The following AGT variants were observed in gnomAD, a reference collection of about 807,000 sequenced individuals.
AGT encodes the protein alpha-1 antiproteinase, antitrypsin.
Under a neutral mutation model 28.1 loss-of-function variants are expected in AGT, and 26 were observed. The ratio of observed to expected loss-of-function variants is 0.92; its 90% confidence interval spans 0.68 to 1.28. The LOEUF (loss-of-function observed/expected upper bound fraction) is 1.28. Ranked by LOEUF, AGT falls within the 50% of genes most tolerant of loss-of-function variation. The pLI is 0.00. For synonymous variants in AGT, 259 were observed against 259.6 expected (o/e 1.00, Z 0.02); for missense variants, 596 against 592.3 (o/e 1.01, Z -0.06).
Position 230,739,676 on chromosome 1 carries a change from C to T in AGT, c.-31+5839G>A, listed in dbSNP as rs77333117. Among the ~76,000 whole-genome samples the T allele has an allele frequency of 4.5e-3, 681 of 152,240 alleles. 2 individuals carry two copies. The highest frequency in any genetic ancestry group is 0.015 in the African/African-American group (643 of 41,534). On this transcript the variant is annotated intron_variant, in intron 1 of 4. Transcript: ENST00000681269. ...GCTGTGACCCCTCCACAGCAAATAC[C>T]GTAAGGAAAGAAGCTGGTTCCCAGA...
upstream of AGT, among the ~76,000 whole-genome samples, chr1:230,714,489 A>C (rs1444486461): frequency 1.3e-5 from 2 of 152,178 alleles, no homozygotes; most frequent in East Asian, 3.9e-4. Flanking sequence ...CCAAGAGGCC[A>C]CAGGGACATG....
Position 230,703,218 on chromosome 1 carries a change from G to C in AGT, c.1354C>G (p.Leu452Val), listed in dbSNP as rs772779435. The stretch of plus-strand genomic sequence containing the variant: ...GCGCTTTGATCATACACAGCAAACA[G>C]GAATGGGCGGTTCAGGGTCACCTCC... ...VLEVTLNRPF[L>V]FAVYDQSATA... is the part of the protein sequence containing the mutation. Residue 452 changes from leucine to valine, a missense_variant, in exon 5 of 5, where the codon CTG becomes GTG. Leu to Val is a conservative substitution (Grantham distance 32, BLOSUM62 1). Coordinates refer to ENST00000366667, the MANE Select transcript of AGT (RefSeq NM_001384479.1). The C allele has an allele frequency of 3.1e-6, 5 of 1,614,218 alleles. No homozygotes were observed. In the Admixed American group the frequency reaches 8.3e-5, roughly 27 times the overall value.
chr1:230,717,025 A>C (rs1663750626), upstream of AGT, among the ~76,000 whole-genome samples: 1 of 148,726 alleles, frequency 6.7e-6, no homozygotes, highest in Admixed American at 6.7e-5. Flanking sequence ...AGATGTTGTT[A>C]ATTTGTAGCT....
At position 230,710,535 on chromosome 1, in the gene AGT, C is replaced by G; in HGVS notation, c.289G>C (p.Val97Leu). The G allele has an allele frequency of 6.2e-7, 1 of 1,614,250 alleles. No individual in the cohort carries two copies. Among genetic ancestry groups the G allele is most frequent in the Non-Finnish European group, 8.5e-7 (1 of 1,180,048 alleles). ...DTEDKLRAAMVGMLANFLGFR... is the reference protein window; with the variant it reads ...DTEDKLRAAMLGMLANFLGFR... Reference sequence around the variant, plus strand: ...CCCAAGAAGTTGGCCAGCATCCCGACCATTGCGGCCCTCAACTTGTCTTCG... The same window carrying G: ...CCCAAGAAGTTGGCCAGCATCCCGAGCATTGCGGCCCTCAACTTGTCTTCG... Residue 97 changes from valine to leucine, a missense_variant, in exon 2 of 5, where the codon GTC becomes CTC. Transcript: ENST00000366667.
rs141724549 is a variant in AGT at position 230,710,631 on chromosome 1, C to T, written c.193G>A (p.Ala65Thr). The change falls in exon 2 of 5, where the codon GCC (alanine) becomes ACC (threonine). Residue 65 changes from alanine to threonine, a missense_variant. By Grantham distance (58) the Ala-to-Thr change is moderately conservative. Coordinates refer to ENST00000366667, the MANE Select transcript of AGT (RefSeq NM_001384479.1). Reference sequence around the variant, plus strand: ...TTTTCATCCACAGGGGATGTCTTGGCCTGAATTGGAGCAGGTATGAAGGTG... The same window carrying T: ...TTTTCATCCACAGGGGATGTCTTGGTCTGAATTGGAGCAGGTATGAAGGTG... ...DPTFIPAPIQ[A>T]KTSPVDEKAL... The T allele has an allele frequency of 1.9e-6, 3 of 1,614,124 alleles. No individual in the cohort carries two copies. The South Asian group carries it at 3.3e-5, about 18-fold the overall frequency.
At chr1:230,737,629 A>G (rs1040227775) in intron 1 of AGT, among the ~76,000 whole-genome samples, 2 of 152,120 alleles carry the variant, frequency 1.3e-5, no homozygotes, top group Non-Finnish European at 2.9e-5. Context: ...TATTATTATC[A>G]TTATTGCTAT....
chr1:230,710,401 G>A lies in AGT; in HGVS notation c.423C>T (p.Ala141=), dbSNP rs1383214665. The change falls in exon 2 of 5, where the codon GCC becomes GCT. Residue 141 remains alanine (A), a synonymous_variant. Transcript: ENST00000366667. ...FGTLASLYLG[A]LDHTADRLQA... is the part of the protein sequence containing the mutation. ...GTAGCCTGTCAGCTGTGTGGTCCAA[G>A]GCTCCCAGATAGAGAGAGGCCAGGG... The A allele has an allele frequency of 6.2e-7, 1 of 1,614,238 alleles. No homozygotes were observed.
Position 230,710,169 on chromosome 1 carries a change from C to T in AGT, c.655G>A (p.Ala219Thr). The T allele has an allele frequency of 6.2e-7, 1 of 1,614,082 alleles. No individual in the cohort carries two copies. The highest frequency in any genetic ancestry group is 2.2e-5 in the East Asian group (1 of 44,886). Residue 219 changes from alanine (A) to threonine (T), a missense_variant, in exon 2 of 5, where the codon GCT (alanine) becomes ACT (threonine). Ala to Thr is a moderately conservative substitution (Grantham distance 58). Coordinates refer to ENST00000366667, the MANE Select transcript of AGT (RefSeq NM_001384479.1). ...GGGAGGACCACAGGGGTATAGAGAGCCAGGCCCTGCACAAACGGCTGCTTC... is the reference window on the plus strand; with the variant it reads ...GGGAGGACCACAGGGGTATAGAGAGTCAGGCCCTGCACAAACGGCTGCTTC... The part of the protein sequence containing the change: ...HLKQPFVQGL[A>T]LYTPVVLPRS...
intron 1 of AGT, among the ~76,000 whole-genome samples, chr1:230,728,011 G>A (rs1156786678): frequency 6.6e-6 from 1 of 152,184 alleles, no homozygotes; most frequent in Non-Finnish European, 1.5e-5. Context: ...TTAAAAGATA[G>A]TTTGGTAGGC....
intron 1 of AGT, among the ~76,000 whole-genome samples, chr1:230,730,024 G>T (rs952739369): frequency 1.7e-4 from 26 of 152,042 alleles, no homozygotes; most frequent in African/African-American, 5.6e-4. Context: ...AGCCAGGCGT[G>T]GTGGTGCACG....
intron 1 of AGT, among the ~76,000 whole-genome samples, chr1:230,712,465 A>G (rs1306655940): frequency 6.6e-6 from 1 of 152,196 alleles, no homozygotes; most frequent in Non-Finnish European, 1.5e-5. Context: ...TGACATGGAA[A>G]AATGGAACAG....
intron 1 of AGT, among the ~76,000 whole-genome samples, chr1:230,713,121 C>G (rs1026791343): frequency 5.9e-5 from 9 of 152,190 alleles, no homozygotes; most frequent in Admixed American, 1.3e-4. Flanking sequence ...ATCCAGCTCC[C>G]CTTTTCCCTC....
upstream of AGT, among the ~76,000 whole-genome samples, chr1:230,718,569 A>G (rs1663783427): frequency 6.7e-6 from 1 of 149,420 alleles, no homozygotes; most frequent in South Asian, 2.1e-4. Flanking sequence ...CCACTGTTGT[A>G]TTCTCTATCT....
intron 4 of AGT, 71 bp downstream of exon 4, chr1:230,704,122 C>G: frequency 6.2e-7 from 1 of 1,611,620 alleles, no homozygotes; most frequent in Non-Finnish European, 8.5e-7. Flanking sequence ...CTCTGTGTCC[C>G]TTACATCCAT....
intron 2 of AGT, among the ~76,000 whole-genome samples, chr1:230,709,386 A>T (rs1206473993): frequency 6.6e-6 from 1 of 151,790 alleles, no homozygotes; most frequent in Non-Finnish European, 1.5e-5. Context: ...GTGAGCAATG[A>T]TGGCACCACT....
chr1:230,710,171 A>C lies in AGT; in HGVS notation c.653T>G (p.Leu218Arg). 6.2e-7 allele frequency: 1 copy of C among 1,614,126 alleles called. No individual in the cohort carries two copies. Among genetic ancestry groups the C allele is most frequent in the South Asian group, 1.1e-5 (1 of 91,086 alleles). The change falls in exon 2 of 5, where the codon CTG (leucine) becomes CGG (arginine). Residue 218 changes from leucine (L) to arginine (R), a missense_variant. Transcript: ENST00000366667. ...LHLKQPFVQG[L>R]ALYTPVVLPR... Reference sequence around the variant, plus strand: ...GAGGACCACAGGGGTATAGAGAGCCAGGCCCTGCACAAACGGCTGCTTCAG... The same window carrying C: ...GAGGACCACAGGGGTATAGAGAGCCCGGCCCTGCACAAACGGCTGCTTCAG...
chr1:230,706,283 G>C (rs1019447069), intron 2 of AGT, 83 bp from the exon 3 acceptor site: 127 of 1,481,514 alleles, frequency 8.6e-5, no homozygotes, highest in Non-Finnish European at 1.1e-4. Context: ...CAAAGGCCCA[G>C]ATCCTGCCCC....
chr1:230,732,310 A>G (rs1664083446), intron 1 of AGT, among the ~76,000 whole-genome samples: 1 of 151,996 alleles, frequency 6.6e-6, no homozygotes, highest in Non-Finnish European at 1.5e-5. Context: ...CACAGTGAGC[A>G]TTTGGAGGGT....
intron 1 of AGT, among the ~76,000 whole-genome samples, chr1:230,725,843 G>A (rs7551720): frequency 0.16 from 24,658 of 152,042 alleles, 2,625 homozygotes; most frequent in East Asian, 0.49. Flanking sequence ...AGAGCCAGTA[G>A]GACAGTAGTC....
Sources: allele counts gnomAD v4.1 joint callset (sites outside exome capture counted in the v4.1 genomes callset), GRCh38; gene constraint gnomAD v4.1.1; transcripts MANE v1.5; gene names NCBI Gene and HGNC (gene_info 2026-07-23, HGNC 2026-07-21).